Variants in WDR17 observed in about 807,000 individuals in gnomAD.
The protein encoded by WDR17 is WD repeat domain 17, also known as WD repeat-containing protein 17.
Under a neutral mutation model 161.7 loss-of-function variants are expected in WDR17, and 143 were observed. The ratio of observed to expected loss-of-function variants is 0.88; its 90% CI spans 0.77 to 1.02. The LOEUF is 1.02. Ranked by LOEUF, WDR17 falls within the 50% of genes least tolerant of loss-of-function variation. WDR17 has a pLI of 0.00. For synonymous variants in WDR17, 517 were observed against 515.6 expected, an observed-to-expected ratio of 1.00 and a Z score of -0.04; for missense variants, 1,469 against 1,520.9, an observed-to-expected ratio of 0.97 and a Z score of 0.57.
Position 176,120,000 on chromosome 4 carries a change from C to G in WDR17, c.441C>G (p.Ser147Arg). 1.2e-6 allele frequency: 2 copies of G among 1,614,026 alleles called. No homozygotes were observed. The highest frequency in any genetic ancestry group is 1.7e-6 in the Non-Finnish European group (2 of 1,180,002). ...SGVIVHKDAHSFLSDICMFRW... is the reference protein window; with the variant it reads ...SGVIVHKDAHRFLSDICMFRW... ...TGATTGTACACAAAGATGCTCATAG[C>G]TTCTTGTCTGATATCTGTATGTTCA... Residue 147 changes from serine (S) to arginine (R), a missense_variant, in exon 4 of 29, where the codon AGC (serine) becomes AGG (arginine). Transcript: ENST00000508596.
intron 1 of WDR17, chr4:176,098,404 G>T (rs993998081): frequency 1.2e-4 from 18 of 151,924 alleles, no homozygotes; most frequent in African/African-American, 4.3e-4. Flanking sequence ...TTTATCTGCA[G>T]TATATTACCT....
rs1265164588 is a variant in WDR17, at chr4:176,134,960, C to T, written c.1099-148C>T. ...AGAACATTCAATCACTGTAGTGATTCCAGTTTTCTGTTTTTCTTGCCTATA... is the reference window on the plus strand; with the variant it reads ...AGAACATTCAATCACTGTAGTGATTTCAGTTTTCTGTTTTTCTTGCCTATA... On this transcript the variant is annotated intron_variant, in intron 7 of 28. Coordinates refer to ENST00000508596, the MANE Select transcript of WDR17 (RefSeq NM_181265.4). The T allele has an allele frequency of 5.5e-6, 4 of 723,572 alleles. No homozygotes were observed. The South Asian group carries it at 7.7e-5, about 14-fold the overall frequency. The allele number at this position is 723,572 out of a possible 1,614,324, so 44.8% of individuals were successfully genotyped here.
intron 1 of WDR17, among the ~76,000 whole-genome samples, chr4:176,097,563 C>T (rs1431018728): frequency 6.6e-6 from 1 of 151,784 alleles, no homozygotes; most frequent in East Asian, 1.9e-4. Flanking sequence ...AAATATCTAA[C>T]TCTGAAGAAT....
intron 2 of WDR17, among the ~76,000 whole-genome samples, chr4:176,115,129 C>T (rs897268891): frequency 1.3e-5 from 2 of 151,828 alleles, no homozygotes; most frequent in Admixed American, 6.6e-5. Flanking sequence ...GTGAAAGGCT[C>T]ATTATATGCT....
At chr4:176,155,347 T>A (rs577004448) in intron 17 of WDR17, among the ~76,000 whole-genome samples, 14 of 151,770 alleles carry the variant, frequency 9.2e-5, no homozygotes, top group African/African-American at 3.1e-4. Flanking sequence ...ACTTCAAAAA[T>A]TTGTGGAAAA....
chr4:176,119,830 G>C (rs764174392), intron 3 of WDR17, 37 bp from the exon 4 acceptor site: 3 of 1,554,768 alleles, frequency 1.9e-6, no homozygotes, highest in East Asian at 2.2e-5. Context: ...ATCTTATGCT[G>C]TATCTTTATT....
At chr4:176,104,074 T>C (rs972240306) in intron 1 of WDR17, among the ~76,000 whole-genome samples, 1 of 152,128 alleles carries the variant, frequency 6.6e-6, no homozygotes, top group Non-Finnish European at 1.5e-5. Context: ...AGATTTCTGA[T>C]ATGAAACTTT....
intron 17 of WDR17, 118 bp downstream of exon 17, chr4:176,152,085 G>A: frequency 1.0e-6 from 1 of 988,310 alleles, no homozygotes; most frequent in South Asian, 1.8e-5. Context: ...CAAGGTGGGT[G>A]GATCACTTGA....
chr4:176,103,821 AAGAG>A (rs1040520694), intron 1 of WDR17, among the ~76,000 whole-genome samples: 1 of 152,066 alleles, frequency 6.6e-6, no homozygotes, highest in African/African-American at 2.4e-5. Flanking sequence ...ACCAGAAGAG[AAGAG>A]AGAGAGATGG....
Position 176,148,336 on chromosome 4 carries a change from G to A in WDR17, c.1897+1G>A, listed in dbSNP as rs1267783924. 6.2e-7 allele frequency: 1 copy of A among 1,611,404 alleles called. No homozygotes were observed. Among genetic ancestry groups the A allele is most frequent in the Non-Finnish European group, 8.5e-7 (1 of 1,178,660 alleles). On this transcript the variant is annotated splice_donor_variant, in intron 13 of 28. Transcript: ENST00000508596. LOFTEE classifies it high-confidence loss of function. ...TATGATCACGGTGCAGATGTATATG[G>A]TAGAGTGTCTTTCATTCTTTCATGT...
chr4:176,175,402 T>TA (rs1751285764), intron 26 of WDR17, among the ~76,000 whole-genome samples: 1 of 152,240 alleles, frequency 6.6e-6, no homozygotes, highest in Non-Finnish European at 1.5e-5. Context: ...CCCTTGTACT[T>TA]AAAACTTCTT....
At chr4:176,155,999 A>C in intron 17 of WDR17, 80 bp from the exon 18 acceptor site, 1 of 1,243,134 alleles carries the variant, frequency 8.0e-7, no homozygotes, top group Non-Finnish European at 1.2e-6. Context: ...ATAAATACCA[A>C]TCTATTTTTT....
intron 6 of WDR17, among the ~76,000 whole-genome samples, chr4:176,129,725 A>C (rs1743050469): frequency 6.6e-6 from 1 of 152,190 alleles, no homozygotes; most frequent in African/African-American, 2.4e-5. Flanking sequence ...AATGGCAAGT[A>C]GTAGAAAATC....
chr4:176,114,647 A>G (rs1740302814), intron 2 of WDR17, among the ~76,000 whole-genome samples: 1 of 151,956 alleles, frequency 6.6e-6, no homozygotes, highest in Non-Finnish European at 1.5e-5. Context: ...GAAAGGTGAT[A>G]AGATAAATAA....
At chr4:176,133,178 A>ATT (rs1280748001) in intron 7 of WDR17, among the ~76,000 whole-genome samples, 11 of 79,836 alleles carry the variant, frequency 1.4e-4, no homozygotes, top group African/African-American at 5.5e-4. Context: ...ACAATTTTTT[A>ATT]TTTTTATTTT....
At chr4:176,139,474 A>G (rs1425645768) in intron 9 of WDR17, among the ~76,000 whole-genome samples, 1 of 151,948 alleles carries the variant, frequency 6.6e-6, no homozygotes, top group East Asian at 1.9e-4. Context: ...AACCAATAAT[A>G]ACTGCTTGCA....
intron 11 of WDR17, among the ~76,000 whole-genome samples, chr4:176,143,896 A>G (rs1421483834): frequency 6.6e-6 from 1 of 152,112 alleles, no homozygotes; most frequent in East Asian, 1.9e-4. Flanking sequence ...ACACCATTCT[A>G]CTGCTTAAAT....
intron 5 of WDR17, among the ~76,000 whole-genome samples, chr4:176,126,219 G>C (rs939647121): frequency 7.2e-5 from 11 of 152,162 alleles, no homozygotes; most frequent in Admixed American, 7.2e-4. Flanking sequence ...ACTCCTTCAT[G>C]CTTTCCTAGT....
At chr4:176,161,193 C>G (rs1748988209) in intron 20 of WDR17, among the ~76,000 whole-genome samples, 191 bp downstream of exon 20, 1 of 152,168 alleles carries the variant, frequency 6.6e-6, no homozygotes, top group South Asian at 2.1e-4. Context: ...CATGGAGACT[C>G]TGTTTATACA....
Sources: gnomAD v4.1 joint callset for allele counts (sites outside exome capture counted in the v4.1 genomes callset) on GRCh38, gnomAD v4.1.1 for gene constraint, MANE v1.5 for transcripts, NCBI Gene and HGNC (gene_info 2026-07-23, HGNC 2026-07-21) for gene names.